The following NRG1 variants were observed in gnomAD, a reference collection of about 807,000 sequenced individuals.
The protein encoded by NRG1 is neuregulin 1, also known as pro-neuregulin-1, membrane-bound isoform.
In NRG1, 18 loss-of-function variants were observed where a neutral mutation model predicts 63.8. That is an observed-to-expected ratio of 0.28 (90% CI 0.19 to 0.42). The LOEUF (loss-of-function observed/expected upper bound fraction) is 0.42. Among genes scored for constraint, NRG1 ranks in the 10% least tolerant of loss-of-function variants. The pLI is 1.00. For missense variants in NRG1, 762 were observed against 814.7 expected (o/e 0.94, Z 0.79); for synonymous variants, 302 against 301.3 (o/e 1.00, Z -0.02).
chr8:31,777,597 C>T (rs1819271417), intron 1 of NRG1, among the ~76,000 whole-genome samples: 1 of 152,176 alleles, frequency 6.6e-6, no homozygotes, highest in Non-Finnish European at 1.5e-5. Flanking sequence ...ATACCTGAAG[C>T]TGGGTAATTT....
At chr8:32,143,144 C>A (rs1418926988) in intron 1 of NRG1, among the ~76,000 whole-genome samples, 1 of 152,014 alleles carries the variant, frequency 6.6e-6, no homozygotes, top group African/African-American at 2.4e-5. Flanking sequence ...AGCTTGGGGA[C>A]AGTGGGATCC....
chr8:32,640,465 C>T (rs1354213653), intron 5 of NRG1, among the ~76,000 whole-genome samples: 2 of 152,074 alleles, frequency 1.3e-5, no homozygotes, highest in African/African-American at 2.4e-5. Flanking sequence ...GCAGTGGACG[C>T]AGACACAAGT....
intron 1 of NRG1, among the ~76,000 whole-genome samples, chr8:32,404,528 T>C (rs1010171781): frequency 6.6e-5 from 10 of 151,814 alleles, no homozygotes; most frequent in Admixed American, 1.3e-4. Flanking sequence ...CATCAGAACC[T>C]TTTTCATGCT....
At chr8:31,783,474 A>T (rs1167574331) in intron 1 of NRG1, among the ~76,000 whole-genome samples, 1 of 152,054 alleles carries the variant, frequency 6.6e-6, no homozygotes, top group Admixed American at 6.6e-5. Flanking sequence ...AACTGGAAAC[A>T]TTGTCTAGAA....
chr8:31,664,407 A>T (rs904676723), intron 1 of NRG1, among the ~76,000 whole-genome samples: 1 of 152,178 alleles, frequency 6.6e-6, no homozygotes, highest in Non-Finnish European at 1.5e-5. Context: ...TGAGTGAGAG[A>T]AGGTGTTGAT....
chr8:32,097,712 G>A (rs976483203), intron 1 of NRG1, among the ~76,000 whole-genome samples: 1 of 152,164 alleles, frequency 6.6e-6, no homozygotes, highest in African/African-American at 2.4e-5. Context: ...AATAGATGCA[G>A]TTAAGGAAGC....
intron 1 of NRG1, among the ~76,000 whole-genome samples, chr8:31,795,389 A>T (rs1821103777): frequency 6.6e-6 from 1 of 152,144 alleles, no homozygotes; most frequent in Admixed American, 6.5e-5. Flanking sequence ...TTGGAAGTGA[A>T]TCAGGCATAA....
chr8:32,041,448 C>G (rs914367627), intron 1 of NRG1, among the ~76,000 whole-genome samples: 1 of 152,154 alleles, frequency 6.6e-6, no homozygotes, highest in South Asian at 2.1e-4. Context: ...TTGTAGCAGA[C>G]GGACTGAGAA....
intron 1 of NRG1, among the ~76,000 whole-genome samples, chr8:32,232,054 T>A (rs7841670): frequency 6.6e-6 from 1 of 151,816 alleles, no homozygotes; most frequent in East Asian, 1.9e-4. Context: ...CAGATGCACA[T>A]CACCATGCCT....
At chr8:32,189,738 T>A (rs1345269835) in intron 1 of NRG1, among the ~76,000 whole-genome samples, 1 of 152,210 alleles carries the variant, frequency 6.6e-6, no homozygotes. Context: ...TACTGCTAAC[T>A]GGCCCCCCTG....
chr8:31,721,509 T>C (rs1812912569), intron 1 of NRG1, among the ~76,000 whole-genome samples: 1 of 152,210 alleles, frequency 6.6e-6, no homozygotes, highest in African/African-American at 2.4e-5. Flanking sequence ...GGAAATGTTT[T>C]CACGTTTGAG....
intron 1 of NRG1, among the ~76,000 whole-genome samples, chr8:32,490,348 A>G (rs185309593): frequency 6.6e-6 from 1 of 151,538 alleles, no homozygotes; most frequent in East Asian, 1.9e-4. Context: ...ATACTGAATC[A>G]GAAGCCTGGG....
chr8:32,290,067 C>A (rs1854005634), intron 1 of NRG1, among the ~76,000 whole-genome samples: 1 of 151,916 alleles, frequency 6.6e-6, no homozygotes, highest in South Asian at 2.1e-4. Context: ...ACAGGAGGAC[C>A]CTGTCTCTAC....
intron 1 of NRG1, among the ~76,000 whole-genome samples, chr8:32,001,310 C>A (rs1468116242): frequency 6.6e-6 from 1 of 151,962 alleles, no homozygotes; most frequent in Non-Finnish European, 1.5e-5. Context: ...GAATAAGTCT[C>A]ATGAGATCTG....
At chr8:32,745,179 G>A (rs80062976) in intron 7 of NRG1, among the ~76,000 whole-genome samples, 14,368 of 152,094 alleles carry the variant, frequency 0.094, 775 homozygotes, top group Admixed American at 0.1. Flanking sequence ...AGAACTTTAT[G>A]TTCAAGTAGC....
rs201198952 is a variant in NRG1 at position 31,665,957 on chromosome 8, TGCC to T, written c.37+26528_37+26530del. Among the ~76,000 whole-genome samples, 352 of 152,320 alleles carry T rather than the reference TGCC, an allele frequency of 2.3e-3. 1 individual carries two copies. Among genetic ancestry groups the T allele is most frequent in the African/African-American group, 7.9e-3 (327 of 41,570 alleles). ...CCGGATAATTTTCTTATCGTCTTTT[TGCC>T]GTTTGGGAACAAAGCCACGTTGTTC... On this transcript the variant is annotated intron_variant, in intron 1 of 10. Coordinates refer to the NRG1 transcript ENST00000519301.
chr8:32,497,310 G>T (rs956216640), intron 1 of NRG1, among the ~76,000 whole-genome samples: 2 of 151,984 alleles, frequency 1.3e-5, no homozygotes, highest in Non-Finnish European at 2.9e-5. Flanking sequence ...AGCTGGGCAT[G>T]GTGGCAGGCA....
chr8:32,689,656 G>A (rs1435183314), intron 5 of NRG1, among the ~76,000 whole-genome samples: 2 of 152,040 alleles, frequency 1.3e-5, no homozygotes, highest in Non-Finnish European at 2.9e-5. Context: ...ATATGTATAT[G>A]TAACAATGTA....
intron 1 of NRG1, among the ~76,000 whole-genome samples, chr8:31,846,655 T>C (rs1826718516): frequency 6.6e-6 from 1 of 152,216 alleles, no homozygotes; most frequent in Non-Finnish European, 1.5e-5. Flanking sequence ...GAATGTGTCA[T>C]AAGGGGAGTG....
Sources: allele counts gnomAD v4.1 joint callset (sites outside exome capture counted in the v4.1 genomes callset), GRCh38; gene constraint gnomAD v4.1.1; transcripts MANE v1.5; gene names NCBI Gene and HGNC (gene_info 2026-07-23, HGNC 2026-07-21).